The following SYT7 variants were observed in gnomAD, a reference collection of about 807,000 sequenced individuals.
SYT7 encodes synaptotagmin-7.
In SYT7, 29 loss-of-function variants were observed where a neutral mutation model predicts 75.1. The ratio of observed to expected loss-of-function variants is 0.39; its 90% confidence interval spans 0.29 to 0.53. The LOEUF is 0.53. SYT7 is among the 20% of genes least tolerant of loss of function. The probability of loss-of-function intolerance (pLI) is 0.77; values close to 1 mark genes in which losing one functional copy is unlikely to be tolerated. For synonymous variants in SYT7, 376 were observed against 401.7 expected (o/e 0.94, Z 0.76); for missense variants, 693 against 953.2 (o/e 0.73, Z 3.59).
At position 61,553,131 on chromosome 11, in the gene SYT7, G is replaced by A. The variant is rs553528395; in HGVS notation, c.136-1668C>T. ...AAATATAGAGATGCCGGACACCCTGGGTTCACAAAAGCTGCCACTCACAGC... is the reference window on the plus strand; with the variant it reads ...AAATATAGAGATGCCGGACACCCTGAGTTCACAAAAGCTGCCACTCACAGC... On this transcript the variant is annotated intron_variant, in intron 2 of 12. Coordinates refer to ENST00000539008, the MANE Select transcript of SYT7 (RefSeq NM_001365809.2). The surrounding 1 kb of genome is among the most constrained non-coding windows in gnomAD (Gnocchi z 5.2). 4.6e-5 allele frequency among the ~76,000 whole-genome samples: 7 copies of A among 152,216 alleles called. No homozygotes were observed. Among genetic ancestry groups the A allele is most frequent in the Admixed American group, 3.9e-4 (6 of 15,294 alleles).
rs1379781346 is a variant in SYT7 at position 61,516,345 on chromosome 11, C to A, written c.*2282G>T. 6.6e-6 allele frequency: 1 copy of A among 152,170 alleles called. No individual in the cohort carries two copies. Among genetic ancestry groups the A allele is most frequent in the East Asian group, 1.9e-4 (1 of 5,176 alleles). 9.4% of individuals were successfully genotyped at this position (152,170 alleles called of 1,614,324 possible). On this transcript the variant is annotated 3_prime_UTR_variant, in exon 13 of 13. Transcript: ENST00000539008. This position sits in a 1 kb window ranked among gnomAD's most constrained non-coding sequence, Gnocchi z 4.6. Reference sequence around the variant, plus strand: ...GGTGGGGTCTGGTTGGGAAGAGACCCCTGCCAGGAGATGCTCTCTGCATAG... The same window carrying A: ...GGTGGGGTCTGGTTGGGAAGAGACCACTGCCAGGAGATGCTCTCTGCATAG...
chr11:61,579,594 A>G (rs1314339228), intron 1 of SYT7, among the ~76,000 whole-genome samples: 2 of 152,156 alleles, frequency 1.3e-5, no homozygotes, highest in Non-Finnish European at 2.9e-5. Flanking sequence ...CCTAGAGGGG[A>G]AAGAGCAAAT....
At chr11:61,565,624 C>T (rs1352300905) in intron 1 of SYT7, among the ~76,000 whole-genome samples, 1 of 152,232 alleles carries the variant, frequency 6.6e-6, no homozygotes, top group East Asian at 1.9e-4. Flanking sequence ...GAAGGGAGAA[C>T]ACCCAGCACC....
chr11:61,533,965 C>G (rs945353474), intron 7 of SYT7, among the ~76,000 whole-genome samples: 1 of 152,134 alleles, frequency 6.6e-6, no homozygotes, highest in African/African-American at 2.4e-5. Context: ...GAAGCCCTGT[C>G]TGTACCTGAC....
intron 9 of SYT7, chr11:61,525,611 G>A (rs913217223): frequency 3.3e-5 from 5 of 151,814 alleles, no homozygotes; most frequent in South Asian, 2.1e-4. Context: ...TAACACACGC[G>A]GTAATAGATT....
chr11:61,570,716 C>A (rs1159917045), intron 1 of SYT7, among the ~76,000 whole-genome samples: 1 of 152,220 alleles, frequency 6.6e-6, no homozygotes, highest in Non-Finnish European at 1.5e-5. Context: ...AAGCCCCAAA[C>A]TCCAGTAGGA....
At chr11:61,578,488 A>G (rs925691664) in intron 1 of SYT7, among the ~76,000 whole-genome samples, 5 of 151,974 alleles carry the variant, frequency 3.3e-5, no homozygotes, top group African/African-American at 9.7e-5. Flanking sequence ...TGAGTTACAC[A>G]TAAATCAATT....
chr11:61,583,681 G>A (rs912862542), upstream of SYT7, among the ~76,000 whole-genome samples: 1 of 152,188 alleles, frequency 6.6e-6, no homozygotes, highest in African/African-American at 2.4e-5. Flanking sequence ...ACAAGAATAC[G>A]AAGCCCAGTC....
intron 1 of SYT7, among the ~76,000 whole-genome samples, chr11:61,574,142 T>A (rs2064001777): frequency 6.6e-6 from 1 of 152,246 alleles, no homozygotes; most frequent in Admixed American, 6.5e-5. Flanking sequence ...CATCAATTGC[T>A]TGGTACAGGA....
In SYT7 at chr11:61,523,779, A is replaced by G. The variant is rs1590824202; in HGVS notation, c.1756+48T>C. The stretch of plus-strand genomic sequence containing the variant: ...CCACATCCGGTGTAAACCTTGTGTC[A>G]CCAGCACCTCCCCGGCCCGCCCATC... On this transcript the variant is annotated intron_variant, in intron 11 of 12. Coordinates refer to ENST00000539008, the MANE Select transcript of SYT7 (RefSeq NM_001365809.2). The surrounding 1 kb of genome is among the most constrained non-coding windows in gnomAD (Gnocchi z 5.0). 1 of 1,573,740 alleles carries G rather than the reference A, an allele frequency of 6.4e-7. No homozygotes were observed. The highest frequency in any genetic ancestry group is 8.7e-7 in the Non-Finnish European group (1 of 1,144,612).
chr11:61,557,194 A>C (rs2063521577), intron 1 of SYT7, among the ~76,000 whole-genome samples: 1 of 152,214 alleles, frequency 6.6e-6, no homozygotes, highest in Non-Finnish European at 1.5e-5. Flanking sequence ...ACAAATTCTC[A>C]TGTGGGGCAG....
chr11:61,581,419 C>T (rs911528000), upstream of SYT7, among the ~76,000 whole-genome samples: 2 of 152,150 alleles, frequency 1.3e-5, no homozygotes, highest in African/African-American at 4.8e-5. Flanking sequence ...GGCCTGGCAC[C>T]GGGCAGGGCC....
At chr11:61,538,327 A>G (rs1415071163) in intron 6 of SYT7, 61 bp from the exon 7 acceptor site, 16 of 662,634 alleles carry the variant, frequency 2.4e-5, no homozygotes, top group Admixed American at 1.3e-4. Flanking sequence ...GGGCGGGGGC[A>G]GGGGGGAAGG....
chr11:61,527,807 G>T, intron 9 of SYT7, 108 bp downstream of exon 9: 1 of 1,328,760 alleles, frequency 7.5e-7, no homozygotes, highest in Non-Finnish European at 1.0e-6. Context: ...GGGCCTGCAG[G>T]TGTGTGTACA....
chr11:61,535,526 C>T (rs1419960386), intron 7 of SYT7, among the ~76,000 whole-genome samples: 1 of 152,200 alleles, frequency 6.6e-6, no homozygotes, highest in Non-Finnish European at 1.5e-5. Flanking sequence ...GGGCGTGGAG[C>T]CAGGGCCTCC....
At chr11:61,538,121 C>T (rs1009485195) in intron 7 of SYT7, 23 bp downstream of exon 7, 1 of 1,534,870 alleles carries the variant, frequency 6.5e-7, no homozygotes, top group African/African-American at 1.4e-5. Flanking sequence ...GCCGCCGCCG[C>T]AGGCCCTCGC....
At position 61,523,921 on chromosome 11, in the gene SYT7, G is replaced by A. The variant is rs569938235; in HGVS notation, c.1662C>T (p.Leu554=). 2.5e-6 allele frequency: 4 copies of A among 1,614,020 alleles called. No homozygotes were observed. Among genetic ancestry groups the A allele is most frequent in the African/African-American group, 2.7e-5 (2 of 75,016 alleles). The change falls in exon 11 of 13, where the codon CTC becomes CTT. Residue 554 remains leucine, a synonymous_variant. Coordinates refer to ENST00000539008, the MANE Select transcript of SYT7 (RefSeq NM_001365809.2). The surrounding 1 kb of genome is among the most constrained non-coding windows in gnomAD (Gnocchi z 5.0). The part of the protein sequence containing the change: ...SDGSGSRGEL[L]LSLCYNPSAN... ...CAGAGGGGTTGTAGCAGAGAGACAAGAGCAGCTCCCCTCGGCTCCCCTGGG... is the reference window on the plus strand; with the variant it reads ...CAGAGGGGTTGTAGCAGAGAGACAAAAGCAGCTCCCCTCGGCTCCCCTGGG...
chr11:61,559,498 T>A (rs1245531497), intron 1 of SYT7, among the ~76,000 whole-genome samples: 1 of 152,130 alleles, frequency 6.6e-6, no homozygotes, highest in Non-Finnish European at 1.5e-5. Flanking sequence ...GGAGCCATGA[T>A]AGGCTTTTGA....
At chr11:61,531,222 G>A (rs1177477785) in intron 8 of SYT7, 1 of 799,918 alleles carries the variant, frequency 1.3e-6, no homozygotes, top group East Asian at 1.3e-4. Flanking sequence ...TCCCACCTCT[G>A]AGCATCCTCC....
Sources: allele counts gnomAD v4.1 joint callset (sites outside exome capture counted in the v4.1 genomes callset), GRCh38; gene constraint gnomAD v4.1.1; non-coding constraint Gnocchi (gnomAD v3.1); transcripts MANE v1.5; gene names NCBI Gene and HGNC (gene_info 2026-07-23, HGNC 2026-07-21).